PNLIPRP3: variants seen among roughly 807,000 people sequenced by gnomAD.
The protein encoded by PNLIPRP3 is pancreatic lipase-related protein 3.
In PNLIPRP3, 58 loss-of-function variants were observed where a neutral mutation model predicts 52.8. The observed-to-expected ratio is 1.10, with a 90% confidence interval of 0.89 to 1.37. PNLIPRP3 has a LOEUF of 1.37. Among genes scored for constraint, PNLIPRP3 ranks in the 40% most tolerant of loss-of-function variants. The probability of loss-of-function intolerance (pLI) is 0.00; values close to 1 mark genes in which losing one functional copy is unlikely to be tolerated. For missense variants in PNLIPRP3, 593 were observed against 561.6 expected (o/e 1.06, Z -0.57); for synonymous variants, 192 against 185.0 (o/e 1.04, Z -0.31).
chr10:116,430,274 G>C lies in PNLIPRP3; in HGVS notation c.49+2213G>C, dbSNP rs1272351375. ...ATTGAAATAGGAAACAGGGTCATCA[G>C]CCAAGAGGTTTGGTGGGCATGAAGA... On this transcript the variant is annotated intron_variant, in intron 1 of 11. Transcript: ENST00000369230. Among the ~76,000 whole-genome samples, 9 of 152,280 alleles carry C rather than the reference G, an allele frequency of 5.9e-5. 1 individual carries two copies. In the East Asian group the frequency reaches 1.7e-3, roughly 29 times the overall value.
chr10:116,462,253 G>T lies in PNLIPRP3; in HGVS notation c.808+963G>T, dbSNP rs980433024. 1.9e-4 allele frequency among the ~76,000 whole-genome samples: 29 copies of T among 151,132 alleles called. No individual in the cohort carries two copies. The Middle Eastern group carries it at 0.025, about 129-fold the overall frequency. ...CGAAAGGTTATTATTTGGGAAATTT[G>T]TTCTTCCCTATCTCTACATTTCATC... On this transcript the variant is annotated intron_variant, in intron 7 of 11. Transcript: ENST00000369230.
intron 1 of PNLIPRP3, among the ~76,000 whole-genome samples, chr10:116,428,440 A>G (rs1400715784): frequency 6.6e-6 from 1 of 152,178 alleles, no homozygotes. Context: ...TAAGAAGGGT[A>G]CATAGTAATA....
intron 1 of PNLIPRP3, 27 bp from the exon 2 acceptor site, chr10:116,436,684 T>C (rs751138321): frequency 6.3e-7 from 1 of 1,582,452 alleles, no homozygotes; most frequent in Non-Finnish European, 8.6e-7. Context: ...GGTTCCTCTA[T>C]ACTGACACTC....
At chr10:116,475,976 T>C (rs1268301930) in intron 10 of PNLIPRP3, among the ~76,000 whole-genome samples, 2 of 152,144 alleles carry the variant, frequency 1.3e-5, no homozygotes, top group Admixed American at 1.3e-4. Flanking sequence ...GAAGCTCTTA[T>C]GGGTAAGAGA....
At chr10:116,471,725 T>C in intron 9 of PNLIPRP3, 43 bp from the exon 10 acceptor site, 2 of 1,455,576 alleles carry the variant, frequency 1.4e-6, no homozygotes, top group Non-Finnish European at 1.9e-6. Context: ...CCATGTGTTT[T>C]TAACCCTTTC....
chr10:116,450,380 CA>C (rs1846017157), intron 4 of PNLIPRP3, among the ~76,000 whole-genome samples: 1 of 151,764 alleles, frequency 6.6e-6, no homozygotes, highest in African/African-American at 2.4e-5. Context: ...ATGGGGAAAC[CA>C]AAAAATTGGA....
chr10:116,466,400 A>G (rs1025641301), intron 8 of PNLIPRP3, among the ~76,000 whole-genome samples: 2 of 152,186 alleles, frequency 1.3e-5, no homozygotes, highest in East Asian at 1.9e-4. Flanking sequence ...TGAAAATTAT[A>G]TACAATTTTG....
chr10:116,466,915 A>T (rs1362276948), intron 8 of PNLIPRP3, among the ~76,000 whole-genome samples: 1 of 152,226 alleles, frequency 6.6e-6, no homozygotes, highest in Non-Finnish European at 1.5e-5. Flanking sequence ...GGTTTAGGCC[A>T]TCCTGTCAGT....
chr10:116,439,275 C>T (rs2133115517), intron 2 of PNLIPRP3, among the ~76,000 whole-genome samples: 1 of 152,256 alleles, frequency 6.6e-6, no homozygotes, highest in Non-Finnish European at 1.5e-5. Context: ...TCCAGACACC[C>T]GTGGCCACTT....
intron 4 of PNLIPRP3, among the ~76,000 whole-genome samples, chr10:116,454,896 T>C (rs1050912071): frequency 1.3e-5 from 2 of 152,242 alleles, no homozygotes; most frequent in African/African-American, 2.4e-5. Context: ...CCTTTGCATA[T>C]ATTCCCAGAA....
intron 10 of PNLIPRP3, 114 bp downstream of exon 10, chr10:116,471,993 C>A: frequency 3.4e-6 from 2 of 588,288 alleles, no homozygotes; most frequent in Non-Finnish European, 5.9e-6. Flanking sequence ...CCACAGGCTA[C>A]CATGGTATCT....
intron 1 of PNLIPRP3, among the ~76,000 whole-genome samples, chr10:116,430,751 A>G (rs1050097443): frequency 2.6e-5 from 4 of 152,208 alleles, no homozygotes; most frequent in Non-Finnish European, 5.9e-5. Context: ...CATAAATTTA[A>G]CAATTGAGCT....
chr10:116,476,037 A>G (rs1846459158), intron 10 of PNLIPRP3, among the ~76,000 whole-genome samples: 1 of 152,132 alleles, frequency 6.6e-6, no homozygotes, highest in East Asian at 1.9e-4. Flanking sequence ...GAATTTTTGC[A>G]TGATGGGGAA....
chr10:116,459,192 A>G (rs1846156293), intron 5 of PNLIPRP3, among the ~76,000 whole-genome samples: 1 of 150,752 alleles, frequency 6.6e-6, no homozygotes, highest in South Asian at 2.1e-4. Context: ...CTATCTGTTC[A>G]TATTCTTCAA....
intron 10 of PNLIPRP3, among the ~76,000 whole-genome samples, chr10:116,475,451 A>G (rs1248068015): frequency 6.6e-6 from 1 of 152,218 alleles, no homozygotes; most frequent in African/African-American, 2.4e-5. Context: ...ACCATAGGTT[A>G]TATCTTAGCT....
At chr10:116,433,114 CAAAAAA>C (rs71010080) in intron 1 of PNLIPRP3, among the ~76,000 whole-genome samples, 2 of 8,490 alleles carry the variant, frequency 2.4e-4, no homozygotes, top group Admixed American at 3.2e-3. Context: ...AACTCCATCT[CAAAAAA>C]AAAAAAAAAA....
intron 3 of PNLIPRP3, among the ~76,000 whole-genome samples, chr10:116,444,018 G>C (rs989608333): frequency 1.3e-5 from 2 of 151,708 alleles, no homozygotes; most frequent in African/African-American, 4.8e-5. Flanking sequence ...AGCTGGGGAG[G>C]CCTCAGGAAA....
At chr10:116,463,580 A>G (rs1004702496) in intron 7 of PNLIPRP3, among the ~76,000 whole-genome samples, 2 of 152,202 alleles carry the variant, frequency 1.3e-5, no homozygotes, top group African/African-American at 4.8e-5. Context: ...GCTACTGGGC[A>G]AAGCAAGTTA....
chr10:116,473,129 G>A (rs917589712), intron 10 of PNLIPRP3, among the ~76,000 whole-genome samples: 4 of 152,186 alleles, frequency 2.6e-5, no homozygotes, highest in African/African-American at 9.7e-5. Context: ...TTTTGATAAC[G>A]GCCGAAGAAG....
Sources: gnomAD v4.1 joint callset for allele counts (sites outside exome capture counted in the v4.1 genomes callset) on GRCh38, gnomAD v4.1.1 for gene constraint, MANE v1.5 for transcripts, NCBI Gene and HGNC (gene_info 2026-07-23, HGNC 2026-07-21) for gene names.